Variants in TOLLIP observed in about 807,000 individuals in gnomAD.
TOLLIP encodes toll-interacting protein.
In TOLLIP, 16 loss-of-function variants were observed where a neutral mutation model predicts 33.5. The observed-to-expected ratio is 0.48, with a 90% CI of 0.32 to 0.72. The LOEUF (loss-of-function observed/expected upper bound fraction) is 0.72. Among genes scored for constraint, TOLLIP ranks in the 30% least tolerant of loss-of-function variants. The pLI, the probability that TOLLIP is intolerant of heterozygous loss-of-function variation, is 0.03. For missense variants in TOLLIP, 325 were observed against 396.6 expected (o/e 0.82, Z 1.53); for synonymous variants, 176 against 163.7 (o/e 1.07, Z -0.57).
intron 5 of TOLLIP, among the ~76,000 whole-genome samples, chr11:1,279,995 C>T (rs1863441462): frequency 6.6e-6 from 1 of 152,228 alleles, no homozygotes; most frequent in Non-Finnish European, 1.5e-5. Flanking sequence ...CTTGTTGCTG[C>T]TTCTCACTCC....
chr11:1,287,905 C>A lies in TOLLIP; in HGVS notation c.519+719G>T, dbSNP rs118085196. On this transcript the variant is annotated intron_variant, in intron 4 of 5. Transcript: ENST00000317204. Reference sequence around the variant, plus strand: ...CTGCACCCTCCCTGCTGCACCCTCTCTGCTGCACCCTCTCTGCTGTCACAT... The same window carrying A: ...CTGCACCCTCCCTGCTGCACCCTCTATGCTGCACCCTCTCTGCTGTCACAT... Among the ~76,000 whole-genome samples the A allele has an allele frequency of 1.3e-3, 186 of 147,728 alleles. 12 individuals are homozygous for A. Among genetic ancestry groups the A allele is most frequent in the Admixed American group, 2.3e-3 (34 of 14,526 alleles).
intron 2 of TOLLIP, among the ~76,000 whole-genome samples, chr11:1,294,020 C>T (rs1209495577): frequency 6.6e-6 from 1 of 152,270 alleles, no homozygotes; most frequent in African/African-American, 2.4e-5. Flanking sequence ...AGGTCCACGG[C>T]GATTCTTCTG....
At chr11:1,307,357 C>T (rs117431642) in intron 1 of TOLLIP, among the ~76,000 whole-genome samples, 2,115 of 152,340 alleles carry the variant, frequency 0.014, 19 homozygotes, top group Middle Eastern at 0.037. Context: ...TCAGCACTTG[C>T]CAGCACAGGC....
Position 1,277,301 on chromosome 11 carries a change from G to T in TOLLIP, c.611-48C>A. 1 of 1,428,154 alleles carries T rather than the reference G, an allele frequency of 7.0e-7. No individual in the cohort carries two copies. The highest frequency in any genetic ancestry group is 9.4e-7 in the Non-Finnish European group (1 of 1,058,344). The allele number at this position is 1,428,154 out of a possible 1,614,324, so 88.5% of individuals were successfully genotyped here. Reference sequence around the variant, plus strand: ...GTAAAAACGTCGGAAAGTTCCAGAAGTGCCACACTAGCTCCTGCTGAAGGA... The same window carrying T: ...GTAAAAACGTCGGAAAGTTCCAGAATTGCCACACTAGCTCCTGCTGAAGGA... On this transcript the variant is annotated intron_variant, in intron 5 of 5. Transcript: ENST00000317204. The surrounding 1 kb of genome is among the most constrained non-coding windows in gnomAD (Gnocchi z 4.2).
chr11:1,286,019 C>T lies in TOLLIP; in HGVS notation c.593G>A (p.Gly198Asp). The T allele has an allele frequency of 2.5e-6, 4 of 1,595,300 alleles. No individual in the cohort carries two copies. Among genetic ancestry groups the T allele is most frequent in the Non-Finnish European group, 3.4e-6 (4 of 1,172,148 alleles). ...ACACGCACCTGTGATGGGCACATAG[C>T]CAACGCCCTGCTGGTACACTGTTGG... Reference protein sequence around the residue: ...LMPTVYQQGVGYVPITGMPAV... With the variant: ...LMPTVYQQGVDYVPITGMPAV... The change falls in exon 5 of 6, where the codon GGC becomes GAC. Residue 198 changes from glycine (G) to aspartate (D), a missense_variant. Physicochemically the swap from Gly to Asp is moderately conservative, Grantham distance 94 (BLOSUM62 -1). Coordinates refer to ENST00000317204, the MANE Select transcript of TOLLIP (RefSeq NM_019009.4).
At chr11:1,300,470 ATTC>A (rs1325495092) in intron 1 of TOLLIP, among the ~76,000 whole-genome samples, 2 of 152,196 alleles carry the variant, frequency 1.3e-5, no homozygotes, top group South Asian at 2.1e-4. Flanking sequence ...TAAAGTCTTA[ATTC>A]TTCTTTTTTG....
At chr11:1,289,661 G>A (rs986939564) in intron 3 of TOLLIP, among the ~76,000 whole-genome samples, 2 of 150,694 alleles carry the variant, frequency 1.3e-5, no homozygotes, top group African/African-American at 4.9e-5. Flanking sequence ...GCTGGTGAGC[G>A]GCCAGACGAG....
At chr11:1,304,459 G>C (rs778351050) in intron 1 of TOLLIP, among the ~76,000 whole-genome samples, 1 of 152,236 alleles carries the variant, frequency 6.6e-6, no homozygotes, top group African/African-American at 2.4e-5. Flanking sequence ...CTAAACAAGC[G>C]CTGACTCGAG....
rs1263008762 is a variant in TOLLIP, at chr11:1,309,473, C to T, written c.26G>A (p.Arg9His). 1.4e-4 allele frequency: 181 copies of T among 1,335,602 alleles called. No homozygotes were observed. The highest frequency in any genetic ancestry group is 1.7e-4 in the Non-Finnish European group (174 of 1,037,686). The allele number at this position is 1,335,602 out of a possible 1,614,324, so 82.7% of individuals were successfully genotyped here. A position where few individuals can be genotyped will look rare whatever the true frequency, so the allele number is the denominator to read the frequency against. Reference sequence around the variant, plus strand: ...CTCGCCCGGCTGCCTCACCGGCCCGCGCTGAGTGCTGACGGTGGTCGCCAT... The same window carrying T: ...CTCGCCCGGCTGCCTCACCGGCCCGTGCTGAGTGCTGACGGTGGTCGCCAT... MATTVSTQ[R>H]GPVYIGELPQ... The change falls in exon 1 of 6, where the codon CGC (arginine) becomes CAC (histidine). Residue 9 changes from arginine (R) to histidine (H), a missense_variant. Arg to His is a conservative substitution (Grantham distance 29, BLOSUM62 0). Transcript: ENST00000317204.
intron 1 of TOLLIP, among the ~76,000 whole-genome samples, chr11:1,300,687 T>C (rs1864244991): frequency 6.6e-6 from 1 of 152,178 alleles, no homozygotes; most frequent in African/African-American, 2.4e-5. Context: ...ACTTTCTGCC[T>C]TGACAGAGCC....
intron 1 of TOLLIP, among the ~76,000 whole-genome samples, chr11:1,297,036 G>A (rs1590224098): frequency 6.7e-6 from 1 of 149,224 alleles, no homozygotes; most frequent in South Asian, 2.1e-4. Context: ...CTGGTTGCTG[G>A]TGGAGTGGGG....
At chr11:1,286,531 C>T (rs911427878) in intron 4 of TOLLIP, among the ~76,000 whole-genome samples, 4 of 151,238 alleles carry the variant, frequency 2.6e-5, no homozygotes, top group African/African-American at 4.9e-5. Flanking sequence ...ACCACTGTCA[C>T]CTCTGAGTTC....
In TOLLIP at chr11:1,277,708, G is replaced by A. The variant is rs1303542590; in HGVS notation, c.611-455C>T. 6.6e-6 allele frequency among the ~76,000 whole-genome samples: 1 copy of A among 152,134 alleles called. No homozygotes were observed. The highest frequency in any genetic ancestry group is 1.5e-5 in the Non-Finnish European group (1 of 68,032). ...ACGCCCGCTGATCCAAACACTGCAC[G>A]GTCTGAGCCTCTTCCTTTATCAGGC... On this transcript the variant is annotated intron_variant, in intron 5 of 5. Coordinates refer to ENST00000317204, the MANE Select transcript of TOLLIP (RefSeq NM_019009.4). The surrounding 1 kb of genome is among the most constrained non-coding windows in gnomAD (Gnocchi z 4.2).
chr11:1,279,479 G>T (rs1413280035), intron 5 of TOLLIP, among the ~76,000 whole-genome samples: 1 of 152,334 alleles, frequency 6.6e-6, no homozygotes, highest in East Asian at 1.9e-4. Flanking sequence ...CTGGGGCCTG[G>T]CGGAGAGCAA....
chr11:1,278,123 C>T lies in TOLLIP; in HGVS notation c.611-870G>A, dbSNP rs540736958. On this transcript the variant is annotated intron_variant, in intron 5 of 5. Transcript: ENST00000317204. The surrounding 1 kb of genome is among the most constrained non-coding windows in gnomAD (Gnocchi z 4.7). ...GCACCGTGTGGCCGGACTTAAGACT[C>T]GCCTCCCAGCCTGGTGGCCGCTCCC... Among the ~76,000 whole-genome samples, 2 of 152,302 alleles carry T rather than the reference C, an allele frequency of 1.3e-5. No homozygotes were observed. Among genetic ancestry groups the T allele is most frequent in the East Asian group, 3.9e-4 (2 of 5,182 alleles).
At chr11:1,287,431 G>A (rs1276098262) in intron 4 of TOLLIP, among the ~76,000 whole-genome samples, 4 of 40,096 alleles carry the variant, frequency 1.0e-4, no homozygotes, top group East Asian at 5.6e-4. Context: ...CACCCTCCCC[G>A]CCGCAGCCTC....
intron 5 of TOLLIP, among the ~76,000 whole-genome samples, chr11:1,285,287 G>C (rs545102838): frequency 1.1e-4 from 16 of 152,344 alleles, no homozygotes; most frequent in East Asian, 1.9e-4. Context: ...GAACGAGAGA[G>C]GCCACCTCAG....
chr11:1,286,236 C>A, intron 4 of TOLLIP, 144 bp from the exon 5 acceptor site: 1 of 645,810 alleles, frequency 1.5e-6, no homozygotes, highest in Non-Finnish European at 2.7e-6. Context: ...CCTCGCTACA[C>A]GAGCCCTGAG....
chr11:1,303,317 C>G lies in TOLLIP; in HGVS notation c.33+6149G>C, dbSNP rs1168940804. Among the ~76,000 whole-genome samples the G allele has an allele frequency of 6.6e-6, 1 of 152,066 alleles. No homozygotes were observed. Among genetic ancestry groups the G allele is most frequent in the Non-Finnish European group, 1.5e-5 (1 of 68,018 alleles). Reference sequence around the variant, plus strand: ...AAACAAAAGCCAGTCAAGCAGCAGGCCAAGGGCGGACAGAGATCCAGAGAG... The same window carrying G: ...AAACAAAAGCCAGTCAAGCAGCAGGGCAAGGGCGGACAGAGATCCAGAGAG... On this transcript the variant is annotated intron_variant, in intron 1 of 5. Coordinates refer to ENST00000317204, the MANE Select transcript of TOLLIP (RefSeq NM_019009.4). The surrounding 1 kb of genome is among the most constrained non-coding windows in gnomAD (Gnocchi z 4.2).
Sources: gnomAD v4.1 joint callset for allele counts (sites outside exome capture counted in the v4.1 genomes callset) on GRCh38, gnomAD v4.1.1 for gene constraint, Gnocchi (gnomAD v3.1) non-coding constraint, MANE v1.5 for transcripts, NCBI Gene and HGNC (gene_info 2026-07-23, HGNC 2026-07-21) for gene names.